RIPOR2: variants seen among roughly 807,000 people sequenced by gnomAD.
RIPOR2 encodes RHO family interacting cell polarization regulator 2, also known as rho family-interacting cell polarization regulator 2.
RIPOR2 carries 39 observed loss-of-function variants against 114.5 expected under a neutral mutation model. That is an observed-to-expected ratio of 0.34 (90% CI 0.26 to 0.44). RIPOR2 has a LOEUF of 0.44. Among genes scored for constraint, RIPOR2 ranks in the 20% least tolerant of loss-of-function variants. The pLI is 1.00. For missense variants in RIPOR2, 1,007 were observed against 1,255.1 expected (o/e 0.80, Z 2.99); for synonymous variants, 445 against 484.4 (o/e 0.92, Z 1.07).
intron 7 of RIPOR2, among the ~76,000 whole-genome samples, chr6:24,863,109 C>T (rs570876811): frequency 2.2e-4 from 34 of 152,142 alleles, no homozygotes; most frequent in Middle Eastern, 6.8e-3. Context: ...CCCGCCACCA[C>T]GCCCGGCTAA....
At chr6:24,990,183 T>G (rs184701896) in intron 1 of RIPOR2, among the ~76,000 whole-genome samples, 1 of 152,354 alleles carries the variant, frequency 6.6e-6, no homozygotes, top group Admixed American at 6.5e-5. Context: ...TCCAAAATGA[T>G]GTTTGTAGTC....
chr6:24,957,356 T>C lies in RIPOR2; in HGVS notation c.77-81539A>G, dbSNP rs77960490. Among the ~76,000 whole-genome samples the C allele has an allele frequency of 4.5e-3, 691 of 152,318 alleles. 2 individuals are homozygous for C. The highest frequency in any genetic ancestry group is 0.01 in the Middle Eastern group (3 of 294). ...GTACTATTTATATCCCCACTTTTCA[T>C]ATGAGGCAATAAAGCATCAAGAGGT... On this transcript the variant is annotated intron_variant, in intron 1 of 13. Coordinates refer to the RIPOR2 transcript ENST00000510784.
chr6:24,808,895 G>A (rs1380238617), intron 21 of RIPOR2, among the ~76,000 whole-genome samples: 1 of 151,686 alleles, frequency 6.6e-6, no homozygotes, highest in East Asian at 1.9e-4. Flanking sequence ...AAGTAGCTGG[G>A]ACTACAGGTG....
intron 4 of RIPOR2, among the ~76,000 whole-genome samples, chr6:24,872,133 A>G (rs182983788): frequency 6.6e-5 from 10 of 152,338 alleles, no homozygotes; most frequent in African/African-American, 2.2e-4. Flanking sequence ...TATAATATGT[A>G]GAGTTGAACA....
rs553895647 is a variant in RIPOR2, at chr6:24,955,031, A to T, written c.77-79214T>A. ...AGAACAGGTAATGACATATATACTG[A>T]GTATGTGTAGATGTGCTTAGAGGAA... is the stretch of plus-strand genomic sequence containing the variant. On this transcript the variant is annotated intron_variant, in intron 1 of 13. Transcript: ENST00000510784. Among the ~76,000 whole-genome samples, 5 of 152,308 alleles carry T rather than the reference A, an allele frequency of 3.3e-5. No individual in the cohort carries two copies. The South Asian group carries it at 6.2e-4, about 19-fold the overall frequency.
intron 1 of RIPOR2, among the ~76,000 whole-genome samples, chr6:25,030,690 G>A (rs1011032659): frequency 1.3e-4 from 20 of 151,904 alleles, no homozygotes; most frequent in African/African-American, 4.6e-4. Context: ...GCTGTTTTTC[G>A]TTGTTGTTGT....
At chr6:24,810,448 A>G (rs1430194434) in intron 20 of RIPOR2, among the ~76,000 whole-genome samples, 1 of 152,222 alleles carries the variant, frequency 6.6e-6, no homozygotes, top group African/African-American at 2.4e-5. Context: ...TATATGCTAA[A>G]ATAGAGGAGG....
chr6:24,822,173 A>G (rs1759761350), intron 19 of RIPOR2, among the ~76,000 whole-genome samples: 1 of 152,218 alleles, frequency 6.6e-6, no homozygotes, highest in Non-Finnish European at 1.5e-5. Flanking sequence ...GCTGAAGTTC[A>G]TCTACTTTAT....
At chr6:25,002,406 T>C (rs1340936132) in intron 1 of RIPOR2, among the ~76,000 whole-genome samples, 2 of 152,236 alleles carry the variant, frequency 1.3e-5, no homozygotes, top group Non-Finnish European at 2.9e-5. Context: ...ATGGTATGTA[T>C]TTCTTCATTG....
rs1395494998 is a variant in RIPOR2 at position 24,862,812 on chromosome 6, A to G, written c.652-1776T>C. ...CTCCCCCGACCACTGGCACCCCCCC[A>G]CCACCCACAGCCACTGATGAACATT... On this transcript the variant is annotated intron_variant, in intron 7 of 21. Coordinates refer to ENST00000643898, the MANE Select transcript of RIPOR2 (RefSeq NM_001286445.3). 1.5e-4 allele frequency among the ~76,000 whole-genome samples: 19 copies of G among 126,836 alleles called. No homozygotes were observed. The East Asian group carries it at 4.9e-3, about 33-fold the overall frequency. The allele number at this position is 126,836 out of a possible 152,430, so 83.2% of individuals were successfully genotyped here.
chr6:24,951,229 T>A (rs1772737268), intron 1 of RIPOR2, among the ~76,000 whole-genome samples: 1 of 152,168 alleles, frequency 6.6e-6, no homozygotes, highest in Admixed American at 6.6e-5. Context: ...TACCTCCCAA[T>A]ATTAGGCAGA....
chr6:24,820,981 G>A (rs1282638524), intron 19 of RIPOR2, among the ~76,000 whole-genome samples: 3 of 138,140 alleles, frequency 2.2e-5, no homozygotes, highest in South Asian at 2.4e-4. Flanking sequence ...CAAGCCATAC[G>A]CCCACCTTAG....
Position 25,023,552 on chromosome 6 carries a change from C to A in RIPOR2, c.76+18299G>T, listed in dbSNP as rs1776434267. 9 of 773,002 alleles carry A rather than the reference C, an allele frequency of 1.2e-5. No homozygotes were observed. The South Asian group carries it at 1.2e-4, about 10-fold the overall frequency. The allele number at this position is 773,002 out of a possible 1,614,324, so 47.9% of individuals were successfully genotyped here. A position where few individuals can be genotyped will look rare whatever the true frequency, so the allele number is the denominator to read the frequency against. On this transcript the variant is annotated intron_variant, in intron 1 of 13. Transcript: ENST00000510784. The stretch of plus-strand genomic sequence containing the variant: ...GTACACCAGCTCAGCAAATTTCAAG[C>A]CCAGGCCTTGTTTGATTTTGCACAC...
intron 19 of RIPOR2, among the ~76,000 whole-genome samples, chr6:24,820,869 C>CTTT (rs34770819): frequency 0.12 from 10,216 of 83,644 alleles, 1,118 homozygotes; most frequent in African/African-American, 0.14. Flanking sequence ...GTTTAACACT[C>CTTT]TTTTTTTTTT....
chr6:25,024,340 T>C, intron 1 of RIPOR2: 1 of 1,451,400 alleles, frequency 6.9e-7, no homozygotes, highest in Non-Finnish European at 9.6e-7. Context: ...GCCTTCTTCC[T>C]GGCTTCCTCG....
intron 13 of RIPOR2, chr6:24,840,693 TCA>T: frequency 6.5e-7 from 1 of 1,535,182 alleles, no homozygotes; most frequent in East Asian, 2.4e-5. Context: ...GTCTTTTAAA[TCA>T]CAGTTGTCTC....
At chr6:24,828,958 C>A (rs1233465336) in intron 17 of RIPOR2, among the ~76,000 whole-genome samples, 1 of 152,090 alleles carries the variant, frequency 6.6e-6, no homozygotes, top group Admixed American at 6.6e-5. Flanking sequence ...TTTTACACAA[C>A]AAAGTATCTG....
chr6:24,959,859 A>G (rs1219009421), intron 1 of RIPOR2, among the ~76,000 whole-genome samples: 1 of 152,184 alleles, frequency 6.6e-6, no homozygotes, highest in Non-Finnish European at 1.5e-5. Context: ...GTGGGAAACA[A>G]ACACTAATTC....
intron 1 of RIPOR2, among the ~76,000 whole-genome samples, chr6:24,904,230 T>C (rs1468644222): frequency 6.6e-6 from 1 of 152,238 alleles, no homozygotes; most frequent in Non-Finnish European, 1.5e-5. Context: ...TGGGTCTCAC[T>C]GGACTAAAAT....
Sources: gnomAD v4.1 joint callset for allele counts (sites outside exome capture counted in the v4.1 genomes callset) on GRCh38, gnomAD v4.1.1 for gene constraint, MANE v1.5 for transcripts, NCBI Gene and HGNC (gene_info 2026-07-23, HGNC 2026-07-21) for gene names.